The following THAP12 variants were observed in gnomAD, a reference collection of about 807,000 sequenced individuals.
The protein encoded by THAP12 is 52 kDa repressor of the inhibitor of the protein kinase.
Under a neutral mutation model 63.0 loss-of-function variants are expected in THAP12, and 20 were observed. The observed-to-expected ratio is 0.32, with a 90% CI of 0.22 to 0.46. The LOEUF (loss-of-function observed/expected upper bound fraction) is 0.46, where lower values mean the gene tolerates loss of function less well. THAP12 is among the 20% of genes least tolerant of loss of function. THAP12 has a pLI of 1.00. For synonymous variants in THAP12, 264 were observed against 328.4 expected (o/e 0.80, Z 2.12); for missense variants, 568 against 908.2 (o/e 0.63, Z 4.81).
intron 1 of THAP12, among the ~76,000 whole-genome samples, chr11:76,370,015 C>G (rs1946659620): frequency 6.6e-6 from 1 of 152,218 alleles, no homozygotes; most frequent in Non-Finnish European, 1.5e-5. Context: ...GGCTCCGCCT[C>G]AACACAGTGA....
At chr11:76,380,615 G>T in intron 1 of THAP12, 133 bp downstream of exon 1, 1 of 624,898 alleles carries the variant, frequency 1.6e-6, no homozygotes, top group Non-Finnish European at 2.3e-6. Flanking sequence ...TCCAACGCTG[G>T]GGTCGACGGC....
rs1946535365 is a variant in THAP12 at position 76,352,641 on chromosome 11, A to T, written c.509T>A (p.Phe170Tyr). ...KENKEYLKSL[F>Y]EILILMGKQN... is the part of the protein sequence containing the mutation. ...CTTTCCCATCAGAATCAAGATTTCA[A>T]ATAGAGATTTTAGGTATTCTTTGTT... Residue 170 changes from phenylalanine (F) to tyrosine (Y), a missense_variant, in exon 5 of 5, where the codon TTT becomes TAT. Phe to Tyr is a conservative substitution (Grantham distance 22, BLOSUM62 3). Coordinates refer to ENST00000260045, the MANE Select transcript of THAP12 (RefSeq NM_004705.4). 6.2e-7 allele frequency: 1 copy of T among 1,611,882 alleles called. No individual in the cohort carries two copies. Among genetic ancestry groups the T allele is most frequent in the South Asian group, 1.1e-5 (1 of 90,978 alleles).
Position 76,350,910 on chromosome 11 carries a change from T to A in THAP12, c.2240A>T (p.Lys747Met), listed in dbSNP as rs1241750267. 1 of 1,567,284 alleles carries A rather than the reference T, an allele frequency of 6.4e-7. No homozygotes were observed. Among genetic ancestry groups the A allele is most frequent in the East Asian group, 2.3e-5 (1 of 44,354 alleles). The part of the protein sequence containing the change: ...VDTYIKLYTS[K>M]SELPTDNSET... ...GGAATTATCTGTAGGAAGCTCTGACTTACTTGTATAGAGTTTAATATATGT... is the reference window on the plus strand; with the variant it reads ...GGAATTATCTGTAGGAAGCTCTGACATACTTGTATAGAGTTTAATATATGT... The change falls in exon 5 of 5, where the codon AAG becomes ATG. Residue 747 changes from lysine to methionine, a missense_variant. Physicochemically the swap from Lys to Met is moderately conservative, Grantham distance 95. Coordinates refer to ENST00000260045, the MANE Select transcript of THAP12 (RefSeq NM_004705.4).
chr11:76,377,551 G>A (rs1004653449), intron 1 of THAP12, among the ~76,000 whole-genome samples: 20 of 152,112 alleles, frequency 1.3e-4, no homozygotes, highest in African/African-American at 4.3e-4. Flanking sequence ...TGTTTCTGAG[G>A]TTCACCCATA....
intron 2 of THAP12, among the ~76,000 whole-genome samples, chr11:76,363,804 C>A (rs1946614311): frequency 6.6e-6 from 1 of 152,132 alleles, no homozygotes; most frequent in African/African-American, 2.4e-5. Flanking sequence ...GAAGGGGTTT[C>A]CCCGTTGGCC....
intron 2 of THAP12, chr11:76,364,497 T>C (rs923229058): frequency 2.9e-6 from 1 of 345,406 alleles, no homozygotes; most frequent in Admixed American, 3.8e-5. Context: ...ATCAAGTTTA[T>C]GTCTATCCCA....
At chr11:76,358,516 G>A (rs914641126) in intron 3 of THAP12, 2 of 152,112 alleles carry the variant, frequency 1.3e-5, no homozygotes, top group African/African-American at 4.8e-5. Context: ...TATAAAAACA[G>A]AATATAGGTC....
rs1411032821 is a variant in THAP12 at position 76,351,904 on chromosome 11, C to A, written c.1246G>T (p.Gly416Cys). Reference sequence around the variant, plus strand: ...TGGCAGATTTCCTTCAGTTCTTTACCCCTTTCTTTACTGTTCTGAAAAAGA... The same window carrying A: ...TGGCAGATTTCCTTCAGTTCTTTACACCTTTCTTTACTGTTCTGAAAAAGA... ...SVLFQNSKER[G>C]KELKEICHSQ... Residue 416 changes from glycine (G) to cysteine (C), a missense_variant, in exon 5 of 5, where the codon GGT becomes TGT. Transcript: ENST00000260045. 1 of 1,599,666 alleles carries A rather than the reference C, an allele frequency of 6.3e-7. No individual in the cohort carries two copies. The highest frequency in any genetic ancestry group is 8.5e-7 in the Non-Finnish European group (1 of 1,174,344).
chr11:76,380,419 C>A (rs985533976), intron 1 of THAP12, among the ~76,000 whole-genome samples: 1 of 152,200 alleles, frequency 6.6e-6, no homozygotes, highest in African/African-American at 2.4e-5. Context: ...GAGAGGAAAG[C>A]GACTCCCCCG....
intron 1 of THAP12, among the ~76,000 whole-genome samples, chr11:76,378,016 T>C (rs1313295267): frequency 6.6e-6 from 1 of 152,266 alleles, no homozygotes; most frequent in Admixed American, 6.5e-5. Flanking sequence ...CCTTCTTCCA[T>C]TCTTTTCACT....
chr11:76,379,522 T>C (rs1386471752), intron 1 of THAP12, among the ~76,000 whole-genome samples: 1 of 152,234 alleles, frequency 6.6e-6, no homozygotes, highest in Non-Finnish European at 1.5e-5. Context: ...GACTCCTGGT[T>C]GCCCTGTCTT....
rs144031762 is a variant in THAP12 at position 76,369,662 on chromosome 11, G to A, written c.90-3690C>T. Among the ~76,000 whole-genome samples the A allele has an allele frequency of 1.3e-3, 203 of 152,360 alleles. 2 individuals carry two copies. Among genetic ancestry groups the A allele is most frequent in the African/African-American group, 4.6e-3 (192 of 41,588 alleles). On this transcript the variant is annotated intron_variant, in intron 1 of 4. Coordinates refer to ENST00000260045, the MANE Select transcript of THAP12 (RefSeq NM_004705.4). ...CTGCTGAACACCTGCCATCCCTTCT[G>A]GGAATTTGGAATTTTATTATATGCC...
intron 3 of THAP12, chr11:76,359,243 G>T (rs1212951678): frequency 1.3e-5 from 2 of 152,074 alleles, no homozygotes; most frequent in African/African-American, 2.4e-5. Flanking sequence ...TTCGTTTTCT[G>T]TACTCCTAAA....
chr11:76,369,348 C>G (rs1946654322), intron 1 of THAP12, among the ~76,000 whole-genome samples: 1 of 152,218 alleles, frequency 6.6e-6, no homozygotes, highest in South Asian at 2.1e-4. Flanking sequence ...AACAAACTAT[C>G]TACAATCTCA....
chr11:76,378,040 T>C (rs2134519700), intron 1 of THAP12, among the ~76,000 whole-genome samples: 1 of 152,372 alleles, frequency 6.6e-6, no homozygotes, highest in East Asian at 1.9e-4. Context: ...TTGGTAATGT[T>C]CTTTGATACA....
chr11:76,377,116 C>CGTTAAGG (rs1158204736), intron 1 of THAP12, among the ~76,000 whole-genome samples: 1 of 152,190 alleles, frequency 6.6e-6, no homozygotes, highest in Non-Finnish European at 1.5e-5. Flanking sequence ...CTTAGATAAC[C>CGTTAAGG]TTAACCCGTA....
intron 3 of THAP12, among the ~76,000 whole-genome samples, chr11:76,360,450 T>G (rs1946590833): frequency 6.6e-6 from 1 of 152,236 alleles, no homozygotes; most frequent in Non-Finnish European, 1.5e-5. Context: ...TCCTCAGAAC[T>G]GAAGGATATC....
At chr11:76,363,026 C>A in intron 2 of THAP12, among the ~76,000 whole-genome samples, 1 of 152,140 alleles carries the variant, frequency 6.6e-6, no homozygotes, top group East Asian at 1.9e-4. Context: ...GCCTGTAGTT[C>A]CAGCTACTTG....
chr11:76,377,127 C>T (rs1946717098), intron 1 of THAP12, among the ~76,000 whole-genome samples: 1 of 152,156 alleles, frequency 6.6e-6, no homozygotes, highest in Non-Finnish European at 1.5e-5. Flanking sequence ...TTAACCCGTA[C>T]CACGGTTTTA....
Sources: gnomAD v4.1 joint callset for allele counts (sites outside exome capture counted in the v4.1 genomes callset) on GRCh38, gnomAD v4.1.1 for gene constraint, MANE v1.5 for transcripts, NCBI Gene and HGNC (gene_info 2026-07-23, HGNC 2026-07-21) for gene names.